The following PDCD1LG2 variants were observed in gnomAD, a reference collection of about 807,000 sequenced individuals.
PDCD1LG2 encodes the protein programmed cell death 1 ligand 2, also known as B7 dendritic cell molecule.
Under a neutral mutation model 28.2 loss-of-function variants are expected in PDCD1LG2, and 32 were observed. That is an observed-to-expected ratio of 1.13 (90% CI 0.86 to 1.52). The LOEUF (loss-of-function observed/expected upper bound fraction) is 1.52, where lower values mean the gene tolerates loss of function less well. PDCD1LG2 is among the 40% of genes most tolerant of loss of function. The pLI, the probability that PDCD1LG2 is intolerant of heterozygous loss-of-function variation, is 0.00. For missense variants in PDCD1LG2, 385 were observed against 323.8 expected (o/e 1.19, Z -1.45); for synonymous variants, 116 against 120.2 (o/e 0.97, Z 0.23).
chr9:5,543,514 G>T (rs1308876656), intron 3 of PDCD1LG2, among the ~76,000 whole-genome samples: 1 of 149,904 alleles, frequency 6.7e-6, no homozygotes, highest in Non-Finnish European at 1.5e-5. Flanking sequence ...ACTCCAGCCT[G>T]GGCGACAGAG....
chr9:5,559,561 A>G (rs946819186), intron 5 of PDCD1LG2, among the ~76,000 whole-genome samples: 2 of 152,126 alleles, frequency 1.3e-5, no homozygotes, highest in Non-Finnish European at 2.9e-5. Flanking sequence ...TGGTCTTTCT[A>G]TCTGTAAAAG....
At chr9:5,563,348 C>T in intron 6 of PDCD1LG2, 137 bp downstream of exon 6, 1 of 779,070 alleles carries the variant, frequency 1.3e-6, no homozygotes, top group Admixed American at 2.8e-5. Flanking sequence ...TGTTTGGTAG[C>T]ATTTCAGCGA....
At chr9:5,512,509 C>T (rs955893948) in intron 1 of PDCD1LG2, among the ~76,000 whole-genome samples, 1 of 152,174 alleles carries the variant, frequency 6.6e-6, no homozygotes, top group African/African-American at 2.4e-5. Flanking sequence ...TTCTGACCAC[C>T]TTGTCTCTGC....
chr9:5,535,778 G>T (rs1004596631), intron 3 of PDCD1LG2, among the ~76,000 whole-genome samples: 1 of 152,152 alleles, frequency 6.6e-6, no homozygotes, highest in Non-Finnish European at 1.5e-5. Flanking sequence ...GAAGTCTATA[G>T]CTGTCCCTAT....
chr9:5,533,336 C>CT (rs1563825092), intron 2 of PDCD1LG2, among the ~76,000 whole-genome samples: 3 of 152,076 alleles, frequency 2.0e-5, no homozygotes, highest in Admixed American at 6.5e-5. Flanking sequence ...ACTCCTTATG[C>CT]TTTTTTTATA....
chr9:5,540,125 A>G (rs2129824783), intron 3 of PDCD1LG2, among the ~76,000 whole-genome samples: 1 of 152,308 alleles, frequency 6.6e-6, no homozygotes, highest in African/African-American at 2.4e-5. Context: ...GAAGTTAAAT[A>G]ATGAGTGATC....
rs1816732401 is a variant in PDCD1LG2, at chr9:5,569,584, A to C, written c.817-370A>C. Among the ~76,000 whole-genome samples the C allele has an allele frequency of 6.6e-6, 1 of 152,232 alleles. No homozygotes were observed. The highest frequency in any genetic ancestry group is 2.1e-4 in the South Asian group (1 of 4,834). On this transcript the variant is annotated intron_variant, in intron 6 of 6. Transcript: ENST00000397747. The surrounding 1 kb of genome is among the most constrained non-coding windows in gnomAD (Gnocchi z 4.1). ...GCAATGTCATCATCCTGGAGCATGA[A>C]TAGAGTGCAGCAGGGTGAATAATGA...
chr9:5,533,367 A>T (rs1353248325), intron 2 of PDCD1LG2, among the ~76,000 whole-genome samples: 1 of 152,210 alleles, frequency 6.6e-6, no homozygotes, highest in East Asian at 1.9e-4. Context: ...GATCAATTCA[A>T]CTTTTAAAAA....
intron 3 of PDCD1LG2, among the ~76,000 whole-genome samples, chr9:5,537,620 A>G (rs1051600345): frequency 1.3e-5 from 2 of 152,294 alleles, no homozygotes; most frequent in Admixed American, 6.5e-5. Context: ...TCAGCAAACT[A>G]TCCCAAGGAC....
At chr9:5,539,226 A>G (rs567639783) in intron 3 of PDCD1LG2, among the ~76,000 whole-genome samples, 3 of 152,324 alleles carry the variant, frequency 2.0e-5, no homozygotes, top group African/African-American at 7.2e-5. Flanking sequence ...AGAAGAGCAT[A>G]CTGCATCATA....
intron 5 of PDCD1LG2, among the ~76,000 whole-genome samples, chr9:5,562,091 G>A (rs547958842): frequency 5.9e-5 from 9 of 152,172 alleles, no homozygotes; most frequent in African/African-American, 1.7e-4. Flanking sequence ...GCAGAATTAG[G>A]AATGGACTGA....
chr9:5,516,013 A>G (rs1024365752), intron 1 of PDCD1LG2, among the ~76,000 whole-genome samples: 2 of 151,020 alleles, frequency 1.3e-5, no homozygotes, highest in African/African-American at 4.9e-5. Flanking sequence ...GGTAGTCCCA[A>G]TGTCTGTTCA....
At chr9:5,544,327 G>T (rs1028541110) in intron 3 of PDCD1LG2, among the ~76,000 whole-genome samples, 1 of 152,192 alleles carries the variant, frequency 6.6e-6, no homozygotes, top group Admixed American at 6.5e-5. Flanking sequence ...GGTTAATGGA[G>T]CCCAGGGATT....
chr9:5,513,131 T>A (rs1288927013), intron 1 of PDCD1LG2, among the ~76,000 whole-genome samples: 1 of 152,240 alleles, frequency 6.6e-6, no homozygotes, highest in Non-Finnish European at 1.5e-5. Flanking sequence ...TCACTTAGTT[T>A]TTGAGTGACT....
At chr9:5,512,423 T>G (rs1458063353) in intron 1 of PDCD1LG2, among the ~76,000 whole-genome samples, 2 of 152,178 alleles carry the variant, frequency 1.3e-5, no homozygotes, top group Non-Finnish European at 2.9e-5. Flanking sequence ...CGGCTCCCTA[T>G]GATGAACTGC....
chr9:5,543,331 A>C (rs891141975), intron 3 of PDCD1LG2, among the ~76,000 whole-genome samples: 2 of 152,092 alleles, frequency 1.3e-5, no homozygotes, highest in Admixed American at 1.3e-4. Flanking sequence ...CGAGGTCAGG[A>C]GATCAAGATC....
intron 3 of PDCD1LG2, among the ~76,000 whole-genome samples, chr9:5,545,860 A>T (rs1436587571): frequency 6.6e-6 from 1 of 152,228 alleles, no homozygotes; most frequent in East Asian, 1.9e-4. Context: ...CAAAGCAATT[A>T]TCTAGGAGAA....
intron 1 of PDCD1LG2, among the ~76,000 whole-genome samples, chr9:5,515,649 G>A (rs1820142681): frequency 6.6e-6 from 1 of 152,146 alleles, no homozygotes; most frequent in Non-Finnish European, 1.5e-5. Flanking sequence ...CACAAGCCAG[G>A]CACAGTGGCT....
At position 5,519,361 on chromosome 9, in the gene PDCD1LG2, A is replaced by G. The variant is rs117387358; in HGVS notation, c.-14-3172A>G. The stretch of plus-strand genomic sequence containing the variant: ...AGGTGTGCTCATGGGCAAGTGGTTT[A>G]CTCTCTCTTAGAGGTTAGAATTGGC... On this transcript the variant is annotated intron_variant, in intron 1 of 6. Coordinates refer to ENST00000397747, the MANE Select transcript of PDCD1LG2 (RefSeq NM_025239.4). Among the ~76,000 whole-genome samples the G allele has an allele frequency of 9.1e-3, 1,379 of 152,082 alleles. 12 individuals are homozygous for G. The highest frequency in any genetic ancestry group is 0.015 in the Non-Finnish European group (1,043 of 67,992).
Sources: gnomAD v4.1 joint callset for allele counts (sites outside exome capture counted in the v4.1 genomes callset) on GRCh38, gnomAD v4.1.1 for gene constraint, Gnocchi (gnomAD v3.1) non-coding constraint, MANE v1.5 for transcripts, NCBI Gene and HGNC (gene_info 2026-07-23, HGNC 2026-07-21) for gene names.